ZSWIM6: variants seen among roughly 807,000 people sequenced by gnomAD.
ZSWIM6 encodes zinc finger SWIM-type containing 6.
Under a neutral mutation model 113.2 loss-of-function variants are expected in ZSWIM6, and 9 were observed. That is an observed-to-expected ratio of 0.08 (90% CI 0.05 to 0.14). ZSWIM6 has a LOEUF of 0.14. Among genes scored for constraint, ZSWIM6 ranks in the 10% least tolerant of loss-of-function variants. ZSWIM6 has a pLI of 1.00. For missense variants in ZSWIM6, 1,162 were observed against 1,552.2 expected (o/e 0.75, Z 4.22); for synonymous variants, 611 against 606.5 (o/e 1.01, Z -0.11).
intron 1 of ZSWIM6, among the ~76,000 whole-genome samples, chr5:61,437,360 G>A (rs562386598): frequency 2.0e-5 from 3 of 151,996 alleles, no homozygotes; most frequent in South Asian, 4.2e-4. Flanking sequence ...CATTTACTGC[G>A]GGCACCTGAG....
chr5:61,341,618 G>T (rs200271657), intron 1 of ZSWIM6, among the ~76,000 whole-genome samples: 1 of 151,568 alleles, frequency 6.6e-6, no homozygotes, highest in Non-Finnish European at 1.5e-5. Context: ...ATATAATAAA[G>T]AATTTGCTGA....
In ZSWIM6 at chr5:61,521,282, A is replaced by G; in HGVS notation, c.1353A>G (p.Ile451Met). ...WDELGALWMC[I>M]VLNPHCKLEQ... ...AATTAGGTGCTCTGTGGATGTGTAT[A>G]GTTTTAAACCCCCACTGCAAGTTGG... is the stretch of plus-strand genomic sequence containing the variant. Residue 451 changes from isoleucine (I) to methionine (M), a missense_variant, in exon 5 of 14, where the codon ATA becomes ATG. Transcript: ENST00000252744. 1 of 1,474,350 alleles carries G rather than the reference A, an allele frequency of 6.8e-7. No homozygotes were observed. The highest frequency in any genetic ancestry group is 9.0e-7 in the Non-Finnish European group (1 of 1,107,658). The allele number at this position is 1,474,350 out of a possible 1,614,324, so 91.3% of individuals were successfully genotyped here. A position where few individuals can be genotyped will look rare whatever the true frequency, so the allele number is the denominator to read the frequency against.
chr5:61,445,249 A>G (rs1225837055), intron 1 of ZSWIM6, among the ~76,000 whole-genome samples: 1 of 152,238 alleles, frequency 6.6e-6, no homozygotes, highest in African/African-American at 2.4e-5. Context: ...AGTTTAATGT[A>G]AATACCAGTC....
chr5:61,476,711 A>G (rs1042341256), intron 2 of ZSWIM6, among the ~76,000 whole-genome samples: 4 of 152,184 alleles, frequency 2.6e-5, no homozygotes, highest in Admixed American at 2.6e-4. Context: ...ATAGATTTCC[A>G]AGTACTAACC....
intron 2 of ZSWIM6, among the ~76,000 whole-genome samples, chr5:61,482,631 T>C (rs1441390289): frequency 6.6e-6 from 1 of 152,222 alleles, no homozygotes; most frequent in Admixed American, 6.5e-5. Flanking sequence ...GAGTTGTATA[T>C]AGAGTGAATT....
At position 61,349,947 on chromosome 5, in the gene ZSWIM6, A is replaced by T. The variant is rs138892985; in HGVS notation, c.676+16999A>T. The stretch of plus-strand genomic sequence containing the variant: ...TTCAGAATATCCCACAAGATCTTAC[A>T]CATTGTGAAATGACACTGTCTAATT... On this transcript the variant is annotated intron_variant, in intron 1 of 13. Coordinates refer to ENST00000252744, the MANE Select transcript of ZSWIM6 (RefSeq NM_020928.2). Among the ~76,000 whole-genome samples, 1,361 of 152,320 alleles carry T rather than the reference A, an allele frequency of 8.9e-3. 6 individuals are homozygous for T. The highest frequency in any genetic ancestry group is 0.014 in the Non-Finnish European group (925 of 68,020).
Position 61,539,709 on chromosome 5 carries a change from A to G in ZSWIM6, c.2653A>G (p.Ser885Gly). 2 of 1,551,538 alleles carry G rather than the reference A, an allele frequency of 1.3e-6. No homozygotes were observed. Among genetic ancestry groups the G allele is most frequent in the Non-Finnish European group, 1.7e-6 (2 of 1,146,852 alleles). The change falls in exon 12 of 14, where the codon AGT becomes GGT. Residue 885 changes from serine to glycine, a missense_variant. Ser to Gly is a moderately conservative substitution (Grantham distance 56). This residue lies in a region of ZSWIM6 where 620 missense variants were observed against 804.6 expected (regional missense o/e 0.77). Transcript: ENST00000252744. ...DAFKIATLMD[S>G]LPDITLLKVS... ...ATTTAAAATAGCAACTCTCATGGAC[A>G]GTTTGCCAGACATCACTCTTTTGAA...
intron 1 of ZSWIM6, among the ~76,000 whole-genome samples, chr5:61,435,248 T>A (rs1041650489): frequency 3.3e-5 from 5 of 152,238 alleles, no homozygotes; most frequent in Non-Finnish European, 7.3e-5. Context: ...ATTTAAAATA[T>A]GATATTTGTT....
At chr5:61,403,321 T>A (rs1745976486) in intron 1 of ZSWIM6, among the ~76,000 whole-genome samples, 1 of 152,218 alleles carries the variant, frequency 6.6e-6, no homozygotes. Context: ...TTTTTAGGGT[T>A]TAGAACTCTC....
intron 13 of ZSWIM6, among the ~76,000 whole-genome samples, chr5:61,542,974 T>C (rs1749781704): frequency 1.3e-5 from 2 of 152,350 alleles, no homozygotes; most frequent in African/African-American, 4.8e-5. Context: ...GGTCTGCTTC[T>C]ATTGACTTTG....
At chr5:61,360,639 G>C (rs1745015550) in intron 1 of ZSWIM6, among the ~76,000 whole-genome samples, 1 of 152,150 alleles carries the variant, frequency 6.6e-6, no homozygotes, top group African/African-American at 2.4e-5. Context: ...TGTTTCCATT[G>C]ATTTTACTTA....
At chr5:61,386,652 G>A (rs1262401453) in intron 1 of ZSWIM6, among the ~76,000 whole-genome samples, 1 of 152,148 alleles carries the variant, frequency 6.6e-6, no homozygotes, top group Non-Finnish European at 1.5e-5. Flanking sequence ...TAGAATTAGG[G>A]CTTTGACAAA....
intron 4 of ZSWIM6, among the ~76,000 whole-genome samples, chr5:61,515,414 C>T (rs908019039): frequency 2.0e-5 from 3 of 152,138 alleles, no homozygotes; most frequent in Admixed American, 6.6e-5. Flanking sequence ...GGATTACAGG[C>T]GTGAGCCACT....
intron 8 of ZSWIM6, among the ~76,000 whole-genome samples, chr5:61,531,058 T>C (rs1053928323): frequency 1.3e-5 from 2 of 152,260 alleles, no homozygotes; most frequent in Non-Finnish European, 1.5e-5. Flanking sequence ...ATATATGTTA[T>C]GTTCCCTACT....
chr5:61,357,593 G>A (rs749918379), intron 1 of ZSWIM6, among the ~76,000 whole-genome samples: 7 of 151,506 alleles, frequency 4.6e-5, no homozygotes, highest in Non-Finnish European at 8.8e-5. Flanking sequence ...CTGAGAAATG[G>A]GGTCTGGCAG....
At chr5:61,454,891 T>G (rs1252115010) in intron 1 of ZSWIM6, among the ~76,000 whole-genome samples, 1 of 151,656 alleles carries the variant, frequency 6.6e-6, no homozygotes, top group Non-Finnish European at 1.5e-5. Flanking sequence ...GTGAAGGTTT[T>G]TTTTTTTTTT....
At chr5:61,511,079 A>G (rs1275131693) in intron 4 of ZSWIM6, among the ~76,000 whole-genome samples, 1 of 152,182 alleles carries the variant, frequency 6.6e-6, no homozygotes, top group African/African-American at 2.4e-5. Context: ...TAACTTGGTT[A>G]TTAAGGCTAA....
chr5:61,456,505 C>T (rs1164588039), intron 1 of ZSWIM6, among the ~76,000 whole-genome samples: 2 of 152,160 alleles, frequency 1.3e-5, no homozygotes, highest in Non-Finnish European at 2.9e-5. Context: ...GCAGATGTCC[C>T]CAGCTAGTTT....
At chr5:61,388,335 C>T (rs1171180783) in intron 1 of ZSWIM6, among the ~76,000 whole-genome samples, 1 of 152,136 alleles carries the variant, frequency 6.6e-6, no homozygotes, top group African/African-American at 2.4e-5. Context: ...TACTCTAGAA[C>T]TGTAAGGCAA....
Sources: allele counts gnomAD v4.1 joint callset (sites outside exome capture counted in the v4.1 genomes callset), GRCh38; gene constraint gnomAD v4.1.1; regional missense constraint gnomAD v4.1.1; transcripts MANE v1.5; gene names NCBI Gene and HGNC (gene_info 2026-07-23, HGNC 2026-07-21).